The following C14orf93 variants were observed in gnomAD, a reference collection of about 807,000 sequenced individuals.
C14orf93 encodes the protein chromosome 14 open reading frame 93.
Under a neutral mutation model 44.0 loss-of-function variants are expected in C14orf93, and 23 were observed. That is an observed-to-expected ratio of 0.52 (90% CI 0.38 to 0.74). The LOEUF (loss-of-function observed/expected upper bound fraction) is 0.74. C14orf93 is among the 30% of genes least tolerant of loss of function. The pLI is 0.00. For synonymous variants in C14orf93, 253 were observed against 265.7 expected (o/e 0.95, Z 0.46); for missense variants, 579 against 678.9 (o/e 0.85, Z 1.64).
chr14:23,009,672 A>T (rs138603791), intron 1 of C14orf93, among the ~76,000 whole-genome samples: 265 of 152,198 alleles, frequency 1.7e-3, no homozygotes, highest in Non-Finnish European at 2.3e-3. Flanking sequence ...GTGTGTAAAA[A>T]GCACGCAAAC....
At chr14:23,009,123 C>T (rs2046768662) in intron 1 of C14orf93, among the ~76,000 whole-genome samples, 1 of 152,170 alleles carries the variant, frequency 6.6e-6, no homozygotes, top group Non-Finnish European at 1.5e-5. Flanking sequence ...GGCTTTGAAC[C>T]ACAGATTCAA....
intron 1 of C14orf93, chr14:23,005,673 A>G (rs1022536189): frequency 6.6e-6 from 1 of 152,220 alleles, no homozygotes; most frequent in African/African-American, 2.4e-5. Context: ...GTTTGCAAAA[A>G]ATATAAGCAT....
In C14orf93 at chr14:22,996,210, T is replaced by C; in HGVS notation, c.656A>G (p.Tyr219Cys). The part of the protein sequence containing the change: ...GAVQRVLVPA[Y>C]AKQLSPATQL... ...TGTGGCTGGTGAGAGTTGCTTGGCA[T>C]AAGCAGGGACCAGAACTCGCTGTAC... The change falls in exon 3 of 7, where the codon TAT (tyrosine) becomes TGT (cysteine). Residue 219 changes from tyrosine to cysteine, a missense_variant. Coordinates refer to ENST00000299088, the MANE Select transcript of C14orf93 (RefSeq NM_021944.4). This position sits in a 1 kb window ranked among gnomAD's most constrained non-coding sequence, Gnocchi z 4.1. 2 of 1,609,824 alleles carry C rather than the reference T, an allele frequency of 1.2e-6. No individual in the cohort carries two copies. The highest frequency in any genetic ancestry group is 8.5e-7 in the Non-Finnish European group (1 of 1,177,194).
At chr14:22,993,957 GGCA>G (rs1211457847) in intron 3 of C14orf93, 4 of 152,272 alleles carry the variant, frequency 2.6e-5, no homozygotes. Flanking sequence ...CTCCATGATG[GGCA>G]GCAGAACTCC....
intron 1 of C14orf93, among the ~76,000 whole-genome samples, chr14:23,009,685 CT>C (rs2046786938): frequency 6.6e-6 from 1 of 152,076 alleles, no homozygotes. Flanking sequence ...ACGCAAACGG[CT>C]TTATGAGGGA....
chr14:22,993,977 A>G (rs2045815544), intron 3 of C14orf93: 1 of 152,282 alleles, frequency 6.6e-6, no homozygotes, highest in African/African-American at 2.4e-5. Context: ...CTCCCTGACT[A>G]GTCCTCCAGA....
intron 3 of C14orf93, among the ~76,000 whole-genome samples, chr14:22,995,250 C>T (rs764680300): frequency 1.3e-5 from 2 of 152,226 alleles, no homozygotes; most frequent in Admixed American, 6.5e-5. Context: ...CTCAGGACAG[C>T]TTCACTTGCT....
At chr14:23,003,921 T>A (rs1180612261) in intron 1 of C14orf93, among the ~76,000 whole-genome samples, 3 of 76,664 alleles carry the variant, frequency 3.9e-5, no homozygotes, top group African/African-American at 1.6e-4. Context: ...TTTTTTTTTT[T>A]TTTTTTGAGA....
intron 3 of C14orf93, among the ~76,000 whole-genome samples, chr14:22,992,251 A>C (rs928546765): frequency 6.6e-6 from 1 of 152,100 alleles, no homozygotes; most frequent in Non-Finnish European, 1.5e-5. Flanking sequence ...GGATCACCTG[A>C]GGTCAGGAGC....
At chr14:22,992,410 G>A (rs1296282779) in intron 3 of C14orf93, among the ~76,000 whole-genome samples, 1 of 148,388 alleles carries the variant, frequency 6.7e-6, no homozygotes, top group African/African-American at 2.5e-5. Flanking sequence ...AGGTTGCAGT[G>A]AGCTGAGATC....
At chr14:22,991,680 C>T (rs929820778) in intron 3 of C14orf93, among the ~76,000 whole-genome samples, 9 of 151,568 alleles carry the variant, frequency 5.9e-5, no homozygotes, top group African/African-American at 2.2e-4. Flanking sequence ...AAGCAATTCT[C>T]CTGCCTCAGC....
At chr14:23,000,451 C>T (rs1400892132) in intron 1 of C14orf93, among the ~76,000 whole-genome samples, 2 of 152,114 alleles carry the variant, frequency 1.3e-5, no homozygotes, top group Admixed American at 1.3e-4. Flanking sequence ...CATGGTGGCT[C>T]ACGCTTGTAA....
chr14:22,989,589 T>C lies in C14orf93; in HGVS notation c.1084+153A>G, dbSNP rs922400107. On this transcript the variant is annotated intron_variant, in intron 5 of 6. Coordinates refer to ENST00000299088, the MANE Select transcript of C14orf93 (RefSeq NM_021944.4). ...AATTTGAGATAATTCTATGAATATA[T>C]TGAAGGTGAGAATAGCCAAAAAATG... is the stretch of plus-strand genomic sequence containing the variant. 7.9e-5 allele frequency among the ~76,000 whole-genome samples: 12 copies of C among 152,244 alleles called. No homozygotes were observed. The South Asian group carries it at 1.2e-3, about 16-fold the overall frequency.
chr14:23,009,937 A>AC (rs2046795039), intron 1 of C14orf93, 164 bp downstream of exon 1: 1 of 152,186 alleles, frequency 6.6e-6, no homozygotes, highest in South Asian at 2.1e-4. Context: ...TAAAACCTTG[A>AC]CCAGGAAAAA....
chr14:22,998,785 A>C lies in C14orf93; in HGVS notation c.239T>G (p.Leu80Arg). 1 of 1,614,168 alleles carries C rather than the reference A, an allele frequency of 6.2e-7. No individual in the cohort carries two copies. The highest frequency in any genetic ancestry group is 8.5e-7 in the Non-Finnish European group (1 of 1,180,034). The change falls in exon 2 of 7, where the codon CTG becomes CGG. Residue 80 changes from leucine to arginine, a missense_variant. Coordinates refer to ENST00000299088, the MANE Select transcript of C14orf93 (RefSeq NM_021944.4). ...CTCATTGTTGGCCCTGGCAAGACCC[A>C]GAGCAGCTTCAGCCAAACCCACTGC... The part of the protein sequence containing the change: ...DKAVGLAEAA[L>R]GLARANNELL...
chr14:22,993,832 G>T (rs1407490736), intron 3 of C14orf93: 7 of 152,210 alleles, frequency 4.6e-5, no homozygotes, highest in Non-Finnish European at 5.9e-5. Flanking sequence ...CAATCCTCAA[G>T]AGCCTCAGCA....
chr14:23,000,641 G>A (rs2046241813), intron 1 of C14orf93, among the ~76,000 whole-genome samples: 1 of 150,806 alleles, frequency 6.6e-6, no homozygotes, highest in Non-Finnish European at 1.5e-5. Flanking sequence ...ACTTGAACCC[G>A]GGAGGCAAAG....
chr14:22,993,536 G>A (rs1030237340), intron 3 of C14orf93, among the ~76,000 whole-genome samples: 1 of 152,068 alleles, frequency 6.6e-6, no homozygotes, highest in African/African-American at 2.4e-5. Context: ...AAGTATTTGG[G>A]AGAGTTTCAA....
chr14:23,002,859 C>A (rs1566694525), intron 1 of C14orf93: 1 of 152,132 alleles, frequency 6.6e-6, no homozygotes, highest in East Asian at 1.9e-4. Context: ...ATTCCTGATT[C>A]CCTAATTTTG....
Sources: allele counts gnomAD v4.1 joint callset (sites outside exome capture counted in the v4.1 genomes callset), GRCh38; gene constraint gnomAD v4.1.1; non-coding constraint Gnocchi (gnomAD v3.1); transcripts MANE v1.5; gene names NCBI Gene and HGNC (gene_info 2026-07-23, HGNC 2026-07-21).